The following C3orf22 variants were observed in gnomAD, a reference collection of about 807,000 sequenced individuals.
The protein encoded by C3orf22 is uncharacterized protein C3orf22.
In C3orf22, 7 loss-of-function variants were observed where a neutral mutation model predicts 10.8. That is an observed-to-expected ratio of 0.65 (90% CI 0.37 to 1.22). The LOEUF is 1.22. C3orf22 is among the 50% of genes most tolerant of loss of function. The pLI is 0.02. For missense variants in C3orf22, 173 were observed against 177.0 expected, an observed-to-expected ratio of 0.98 and a Z score of 0.13; for synonymous variants, 79 against 78.9, an observed-to-expected ratio of 1.00 and a Z score of 0.00.
intron 5 of C3orf22, chr3:126,529,115 G>C: frequency 5.1e-6 from 2 of 395,116 alleles, no homozygotes; most frequent in Admixed American, 5.8e-5. Flanking sequence ...CCCCCTACAT[G>C]ATGGCTGTGC....
At position 126,550,075 on chromosome 3, in the gene C3orf22, G is replaced by T; in HGVS notation, c.219C>A (p.Leu73=). Reference sequence around the variant, plus strand: ...ACGGTGATGTAAAATCTGGAGCCCCGAGCCTAGAGAAGCCACACAGAGCCA... The same window carrying T: ...ACGGTGATGTAAAATCTGGAGCCCCTAGCCTAGAGAAGCCACACAGAGCCA... The part of the protein sequence containing the change: ...VPTRSIPVRG[L]GAPDFTSPSG... The change falls in exon 4 of 4, where the codon CTC becomes CTA. Residue 73 remains leucine, a synonymous_variant. Coordinates refer to ENST00000318225, the MANE Select transcript of C3orf22 (RefSeq NM_152533.3). 6.2e-7 allele frequency: 1 copy of T among 1,613,506 alleles called. No individual in the cohort carries two copies. Among genetic ancestry groups the T allele is most frequent in the Non-Finnish European group, 8.5e-7 (1 of 1,179,740 alleles).
At chr3:126,537,006 G>T (rs1364064000) in intron 4 of C3orf22, among the ~76,000 whole-genome samples, 6 of 152,140 alleles carry the variant, frequency 3.9e-5, no homozygotes, top group African/African-American at 1.2e-4. Context: ...CTGAGATCCA[G>T]CAGCAAGCAG....
At chr3:126,557,489 T>C (rs554437631) in intron 1 of C3orf22, among the ~76,000 whole-genome samples, 1 of 152,352 alleles carries the variant, frequency 6.6e-6, no homozygotes, top group Admixed American at 6.5e-5. Flanking sequence ...TGTGCCATGC[T>C]GCTCATCCAT....
intron 4 of C3orf22, among the ~76,000 whole-genome samples, chr3:126,533,522 C>T (rs139919752): frequency 6.6e-6 from 1 of 152,160 alleles, no homozygotes; most frequent in African/African-American, 2.4e-5. Flanking sequence ...CAGTGTATTA[C>T]ATTGATTGAT....
At chr3:126,539,559 G>GCA (rs1033518913) in intron 4 of C3orf22, among the ~76,000 whole-genome samples, 20 of 68,038 alleles carry the variant, frequency 2.9e-4, no homozygotes, top group African/African-American at 5.5e-4. Flanking sequence ...CACACACACT[G>GCA]CACACACACA....
In C3orf22 at chr3:126,553,308, G is replaced by A. The variant is rs141368282; in HGVS notation, c.83C>T (p.Pro28Leu). 7.6e-5 allele frequency: 123 copies of A among 1,613,482 alleles called. No individual in the cohort carries two copies. The highest frequency in any genetic ancestry group is 2.4e-4 in the African/African-American group (18 of 75,026). Reference protein sequence around the residue: ...QAQENFAKKFPYRLSWLTEPD... With the variant: ...QAQENFAKKFLYRLSWLTEPD... ...AGGTGTCAGCCTCCCGCACCTGTACGGAAACTTCTTGGCAAAATTCTCCTG... is the reference window on the plus strand; with the variant it reads ...AGGTGTCAGCCTCCCGCACCTGTACAGAAACTTCTTGGCAAAATTCTCCTG... The change falls in exon 2 of 4, where the codon CCG becomes CTG. Residue 28 changes from proline (P) to leucine (L), a missense_variant. By Grantham distance (98) the Pro-to-Leu change is moderately conservative. Coordinates refer to ENST00000318225, the MANE Select transcript of C3orf22 (RefSeq NM_152533.3).
chr3:126,558,448 AC>A (rs1016044430), intron 1 of C3orf22, among the ~76,000 whole-genome samples, 178 bp downstream of exon 1: 65 of 152,142 alleles, frequency 4.3e-4, no homozygotes, highest in African/African-American at 1.5e-3. Flanking sequence ...CATGGAGATG[AC>A]CCTGTAAGCT....
exon 6 of C3orf22, chr3:126,527,395 C>A (rs1338039142): frequency 2.0e-5 from 3 of 152,306 alleles, no homozygotes; most frequent in Non-Finnish European, 2.9e-5. Context: ...CAGATCACAC[C>A]TCCAGCTGTG....
At chr3:126,545,858 C>T (rs1374259372), downstream of C3orf22, among the ~76,000 whole-genome samples, 1 of 152,200 alleles carries the variant, frequency 6.6e-6, no homozygotes, top group Non-Finnish European at 1.5e-5. Context: ...GCTGGTGGGA[C>T]AGATGCTCCA....
At chr3:126,542,116 C>A (rs1185565658) in intron 4 of C3orf22, 1 of 1,578,214 alleles carries the variant, frequency 6.3e-7, no homozygotes, top group South Asian at 1.1e-5. Context: ...GCAACAAGCT[C>A]GCGCGCCCCT....
intron 4 of C3orf22, among the ~76,000 whole-genome samples, chr3:126,529,528 C>T (rs144316784): frequency 1.4e-4 from 22 of 152,220 alleles, no homozygotes; most frequent in African/African-American, 5.3e-4. Flanking sequence ...GGGCAAGTTT[C>T]TTTGCCTCAG....
intron 1 of C3orf22, among the ~76,000 whole-genome samples, chr3:126,556,538 C>T (rs1254223333): frequency 6.6e-6 from 1 of 152,022 alleles, no homozygotes; most frequent in Non-Finnish European, 1.5e-5. Context: ...TGCACATCTA[C>T]ACACTCATGC....
intron 1 of C3orf22, among the ~76,000 whole-genome samples, chr3:126,557,392 C>T (rs1297735379): frequency 6.6e-6 from 1 of 152,236 alleles, no homozygotes; most frequent in East Asian, 1.9e-4. Flanking sequence ...CCCTGGGGAA[C>T]ACGGGTAGCC....
chr3:126,533,352 G>C (rs1173687149), intron 4 of C3orf22, among the ~76,000 whole-genome samples: 1 of 152,120 alleles, frequency 6.6e-6, no homozygotes, highest in Non-Finnish European at 1.5e-5. Flanking sequence ...TAAGTTATCT[G>C]AGGGTTTTTC....
intron 4 of C3orf22, among the ~76,000 whole-genome samples, chr3:126,534,977 C>A (rs552208385): frequency 1.3e-4 from 19 of 148,324 alleles, no homozygotes; most frequent in Admixed American, 4.7e-4. Flanking sequence ...AGACCAGCAT[C>A]CCTGTCCCCA....
rs1249888412 is a variant in C3orf22, at chr3:126,542,799, C to T, written c.286+6738G>A. On this transcript the variant is annotated intron_variant and NMD_transcript_variant, in intron 4 of 5. Coordinates refer to the C3orf22 transcript ENST00000505070. The stretch of plus-strand genomic sequence containing the variant: ...GCCTGCCTCGGCCTGTCGCCTGAGG[C>T]CTGCTTCCTCCACTTGCTCCAGCTG... 171 of 507,900 alleles carry T rather than the reference C, an allele frequency of 3.4e-4. 1 individual carries two copies. Among genetic ancestry groups the T allele is most frequent in the Non-Finnish European group, 4.1e-5 (13 of 318,568 alleles). The allele number at this position is 507,900 out of a possible 1,614,324, so 31.5% of individuals were successfully genotyped here.
At chr3:126,537,947 C>T (rs1936833523) in intron 4 of C3orf22, among the ~76,000 whole-genome samples, 1 of 152,164 alleles carries the variant, frequency 6.6e-6, no homozygotes, top group African/African-American at 2.4e-5. Flanking sequence ...ATCCAGGCAG[C>T]CACACTGTGG....
intron 1 of C3orf22, among the ~76,000 whole-genome samples, chr3:126,556,944 ACT>A (rs1289887630): frequency 2.6e-5 from 4 of 151,510 alleles, no homozygotes; most frequent in Admixed American, 6.6e-5. Context: ...ACACTCACAC[ACT>A]CATACACACA....
intron 4 of C3orf22, chr3:126,536,200 G>A: frequency 7.3e-7 from 1 of 1,362,344 alleles, no homozygotes; most frequent in Non-Finnish European, 1.0e-6. Context: ...GCCTAGATGG[G>A]TTGGCCAAAC....
Sources: allele counts gnomAD v4.1 joint callset (sites outside exome capture counted in the v4.1 genomes callset), GRCh38; gene constraint gnomAD v4.1.1; transcripts MANE v1.5; gene names NCBI Gene and HGNC (gene_info 2026-07-23, HGNC 2026-07-21).